The following DNAAF4 variants were observed in gnomAD, a reference collection of about 807,000 sequenced individuals.
The protein encoded by DNAAF4 is dynein assembly factor 4, axonemal.
In DNAAF4, 43 loss-of-function variants were observed where a neutral mutation model predicts 51.8. The observed-to-expected ratio is 0.83, with a 90% CI of 0.65 to 1.07. The LOEUF (loss-of-function observed/expected upper bound fraction) is 1.07. DNAAF4 is among the 50% of genes least tolerant of loss of function. The pLI is 0.00. For missense variants in DNAAF4, 581 were observed against 493.0 expected (o/e 1.18, Z -1.69); for synonymous variants, 194 against 165.6 (o/e 1.17, Z -1.32).
At chr15:55,473,009 T>C (rs2058276938) in intron 4 of DNAAF4, among the ~76,000 whole-genome samples, 1 of 150,842 alleles carries the variant, frequency 6.6e-6, no homozygotes, top group Non-Finnish European at 1.5e-5. Flanking sequence ...CTACTAAAAA[T>C]ACAAAAATTA....
intron 5 of DNAAF4, among the ~76,000 whole-genome samples, chr15:55,462,834 G>A (rs2058112535): frequency 6.6e-6 from 1 of 151,984 alleles, no homozygotes; most frequent in Admixed American, 6.6e-5. Context: ...CACATAAACA[G>A]AAGTCAAAAC....
chr15:55,473,729 A>G (rs58236748), intron 4 of DNAAF4, among the ~76,000 whole-genome samples: 3,499 of 152,162 alleles, frequency 0.023, 125 homozygotes, highest in African/African-American at 0.077. Flanking sequence ...AGTGGCTCAC[A>G]CCTGTAATCC....
At chr15:55,473,333 G>GTGTGTATATATA (rs2058292507) in intron 4 of DNAAF4, among the ~76,000 whole-genome samples, 7 of 115,026 alleles carry the variant, frequency 6.1e-5, no homozygotes, top group African/African-American at 2.5e-4. Flanking sequence ...GTATATATAT[G>GTGTGTATATATA]TGTGTATATA....
At chr15:55,489,099 A>C (rs575522605) in intron 4 of DNAAF4, among the ~76,000 whole-genome samples, 4 of 151,904 alleles carry the variant, frequency 2.6e-5, no homozygotes, top group Non-Finnish European at 5.9e-5. Context: ...AAAAAAAAAA[A>C]ACAAAAAACA....
At chr15:55,470,380 C>A (rs1340046664) in intron 4 of DNAAF4, among the ~76,000 whole-genome samples, 1 of 151,994 alleles carries the variant, frequency 6.6e-6, no homozygotes, top group African/African-American at 2.4e-5. Context: ...TAAAAAGATG[C>A]AAATCAGGAA....
chr15:55,475,933 T>C (rs1043094110), intron 4 of DNAAF4, among the ~76,000 whole-genome samples: 2 of 152,108 alleles, frequency 1.3e-5, no homozygotes, highest in Non-Finnish European at 2.9e-5. Flanking sequence ...ATTATGTAAA[T>C]GAGAGAGCTA....
intron 3 of DNAAF4, among the ~76,000 whole-genome samples, chr15:55,494,703 C>T (rs1012182200): frequency 3.9e-5 from 6 of 152,148 alleles, no homozygotes; most frequent in South Asian, 4.1e-4. Flanking sequence ...TGAGCCACTG[C>T]GCTGAGCTTA....
At chr15:55,469,792 T>C (rs1438486052) in intron 4 of DNAAF4, among the ~76,000 whole-genome samples, 1 of 151,182 alleles carries the variant, frequency 6.6e-6, no homozygotes, top group South Asian at 2.1e-4. Flanking sequence ...GCCCGGCCTA[T>C]GCTTACCAAT....
intron 6 of DNAAF4, among the ~76,000 whole-genome samples, chr15:55,448,519 G>GT (rs2057876186): frequency 1.0e-5 from 1 of 99,890 alleles, no homozygotes; most frequent in Non-Finnish European, 1.8e-5. Flanking sequence ...AAAAAAAAAG[G>GT]GTGTGTGTGT....
chr15:55,481,314 C>T lies in DNAAF4; in HGVS notation c.405+9809G>A, dbSNP rs1479780613. On this transcript the variant is annotated intron_variant, in intron 4 of 9. Transcript: ENST00000321149. ...GGGATGCTGCCCCAAAATTAGCTGA[C>T]CAGGCCTCTAAAATATGACAACAGT... is the stretch of plus-strand genomic sequence containing the variant. Among the ~76,000 whole-genome samples the T allele has an allele frequency of 3.3e-5, 5 of 152,170 alleles. No individual in the cohort carries two copies. The East Asian group carries it at 7.7e-4, about 23-fold the overall frequency.
At chr15:55,451,740 A>G (rs947515537) in intron 5 of DNAAF4, among the ~76,000 whole-genome samples, 2 of 152,060 alleles carry the variant, frequency 1.3e-5, no homozygotes, top group South Asian at 4.1e-4. Flanking sequence ...CAGCCTTTCA[A>G]GAGCAGGCAC....
intron 4 of DNAAF4, among the ~76,000 whole-genome samples, chr15:55,469,842 C>A (rs936405957): frequency 2.6e-5 from 4 of 151,800 alleles, no homozygotes; most frequent in Non-Finnish European, 5.9e-5. Context: ...TCAGTTCTGT[C>A]ATTATCTACC....
intron 5 of DNAAF4, among the ~76,000 whole-genome samples, chr15:55,463,903 GT>G (rs777834023): frequency 4.6e-5 from 7 of 152,002 alleles, no homozygotes; most frequent in Non-Finnish European, 1.0e-4. Context: ...TACAAATTCA[GT>G]GCAATTCCCA....
At chr15:55,468,972 T>A (rs905745259) in intron 4 of DNAAF4, among the ~76,000 whole-genome samples, 4 of 151,730 alleles carry the variant, frequency 2.6e-5, no homozygotes, top group Admixed American at 2.0e-4. Context: ...GAGAAAAACA[T>A]GAAGAAGAAA....
At chr15:55,464,586 G>A (rs1457286324) in intron 5 of DNAAF4, among the ~76,000 whole-genome samples, 1 of 152,066 alleles carries the variant, frequency 6.6e-6, no homozygotes, top group Non-Finnish European at 1.5e-5. Context: ...CAATGTACAG[G>A]GAACTCAAAC....
intron 7 of DNAAF4, chr15:55,418,426 G>A (rs1211356313): frequency 2.6e-6 from 4 of 1,526,554 alleles, no homozygotes; most frequent in Non-Finnish European, 3.5e-6. Context: ...CTATTCCACA[G>A]TTTTTCCCCT....
Position 55,430,783 on chromosome 15 carries a change from T to C in DNAAF4, c.1154-4A>G, listed in dbSNP as rs1381234257. ...GCCGCTTCATAATCCTGTAGGCCTG[T>C]GTTTATATAGCAATGATGATTAATA... is the stretch of plus-strand genomic sequence containing the variant. On this transcript the variant is annotated splice_region_variant and splice_polypyrimidine_tract_variant and intron_variant, in intron 9 of 9. Transcript: ENST00000321149. The C allele has an allele frequency of 6.3e-7, 1 of 1,599,674 alleles. No homozygotes were observed. The highest frequency in any genetic ancestry group is 8.6e-7 in the Non-Finnish European group (1 of 1,168,368).
At chr15:55,473,717 G>A (rs574699231) in intron 4 of DNAAF4, among the ~76,000 whole-genome samples, 193 of 152,218 alleles carry the variant, frequency 1.3e-3, no homozygotes, top group African/African-American at 3.2e-3. Context: ...ATAGCCGGGC[G>A]CAGTGGCTCA....
chr15:55,450,429 G>A lies in DNAAF4; in HGVS notation c.638-62C>T, dbSNP rs928500850. The stretch of plus-strand genomic sequence containing the variant: ...CTCATTTTCTAGTTAACAATCAACT[G>A]ATAAAGTAATTACACATCAAAGCTC... On this transcript the variant is annotated intron_variant, in intron 5 of 9. Coordinates refer to ENST00000321149, the MANE Select transcript of DNAAF4 (RefSeq NM_130810.4). The A allele has an allele frequency of 7.2e-6, 11 of 1,536,236 alleles. No individual in the cohort carries two copies. The African/African-American group carries it at 9.6e-5, about 13-fold the overall frequency.
Sources: gnomAD v4.1 joint callset for allele counts (sites outside exome capture counted in the v4.1 genomes callset) on GRCh38, gnomAD v4.1.1 for gene constraint, MANE v1.5 for transcripts, NCBI Gene and HGNC (gene_info 2026-07-23, HGNC 2026-07-21) for gene names.